BAP1: variants seen among roughly 807,000 people sequenced by gnomAD.
The protein encoded by BAP1 is BRCA1 associated deubiquitinase 1.
BAP1 carries 16 observed loss-of-function variants against 77.2 expected under a neutral mutation model. The observed-to-expected ratio is 0.21, with a 90% confidence interval of 0.14 to 0.31. BAP1 has a LOEUF of 0.31. BAP1 is among the 10% of genes least tolerant of loss of function. The pLI, the probability that BAP1 is intolerant of heterozygous loss-of-function variation, is 1.00. For synonymous variants in BAP1, 362 were observed against 385.2 expected, an observed-to-expected ratio of 0.94 and a Z score of 0.71; for missense variants, 699 against 967.3, an observed-to-expected ratio of 0.72 and a Z score of 3.68.
At chr3:52,407,021 G>C in intron 7 of BAP1, 114 bp from the exon 8 acceptor site, 1 of 1,487,504 alleles carries the variant, frequency 6.7e-7, no homozygotes, top group Non-Finnish European at 9.2e-7. Context: ...GGAGCTGGTC[G>C]GGCAATATGG....
Position 52,406,640 on chromosome 3 carries a change from C to T in BAP1, c.659+189G>A, listed in dbSNP as rs1287604956. The T allele has an allele frequency of 1.4e-5, 12 of 876,818 alleles. No individual in the cohort carries two copies. The highest frequency in any genetic ancestry group is 3.3e-5 in the African/African-American group (2 of 60,158). 54.3% of individuals were successfully genotyped at this position (876,818 alleles called of 1,614,324 possible). A position where few individuals can be genotyped will look rare whatever the true frequency, so the allele number is the denominator to read the frequency against. On this transcript the variant is annotated intron_variant, in intron 8 of 16. Coordinates refer to ENST00000460680, the MANE Select transcript of BAP1 (RefSeq NM_004656.4). The surrounding 1 kb of genome is among the most constrained non-coding windows in gnomAD (Gnocchi z 4.6). ...ACTGAGGCCTGCCCCTCCCCCAGCC[C>T]ACCCAGGAGCAGGCCACAGGCAGCC...
At chr3:52,409,216 G>A (rs770265365) in intron 3 of BAP1, among the ~76,000 whole-genome samples, 2 of 152,184 alleles carry the variant, frequency 1.3e-5, no homozygotes, top group Non-Finnish European at 2.9e-5. Context: ...TTAAAGCCAA[G>A]GACACATGGG....
chr3:52,408,100 C>G (rs1197912709), intron 4 of BAP1, 23 bp from the exon 5 acceptor site: 1 of 1,586,776 alleles, frequency 6.3e-7, no homozygotes, highest in African/African-American at 1.3e-5. Flanking sequence ...GAATAGTCAC[C>G]CATACACAGC....
chr3:52,408,410 C>T (rs2153228234), intron 4 of BAP1, 64 bp downstream of exon 4: 1 of 1,586,842 alleles, frequency 6.3e-7, no homozygotes, highest in South Asian at 1.2e-5. Flanking sequence ...TCCTCCATTT[C>T]CACTTCCCAA....
At position 52,402,445 on chromosome 3, in the gene BAP1, A is replaced by G; in HGVS notation, c.2057-24T>C. 3.2e-6 allele frequency: 5 copies of G among 1,572,242 alleles called. No individual in the cohort carries two copies. Among genetic ancestry groups the G allele is most frequent in the Non-Finnish European group, 4.3e-6 (5 of 1,159,456 alleles). On this transcript the variant is annotated intron_variant, in intron 16 of 16. Transcript: ENST00000460680. The surrounding 1 kb of genome is among the most constrained non-coding windows in gnomAD (Gnocchi z 5.3). ...GCCTGCGAAGAGGTAGAGACCCTTG[A>G]GCAGGTGCTGGCTGCCTCAGGCCAG... is the stretch of plus-strand genomic sequence containing the variant.
At chr3:52,407,097 T>C in intron 7 of BAP1, 77 bp downstream of exon 7, 1 of 1,606,600 alleles carries the variant, frequency 6.2e-7, no homozygotes, top group South Asian at 1.1e-5. Context: ...GGGTACCACA[T>C]ACCAGAGGGC....
intron 10 of BAP1, chr3:52,405,555 A>G (rs566411176): frequency 2.7e-6 from 2 of 730,766 alleles, no homozygotes; most frequent in Admixed American, 2.9e-5. Flanking sequence ...GGGAGTGTAC[A>G]TTACAGAGAA....
intron 10 of BAP1, chr3:52,405,512 A>C (rs913053165): frequency 4.6e-5 from 29 of 625,272 alleles, no homozygotes; most frequent in Non-Finnish European, 6.7e-5. Flanking sequence ...AAAAAAAAAA[A>C]AAAAAAAAAC....
Position 52,403,925 on chromosome 3 carries a change from G to C in BAP1, c.1251-31C>G. 8 of 1,610,274 alleles carry C rather than the reference G, an allele frequency of 5.0e-6. No homozygotes were observed. The highest frequency in any genetic ancestry group is 6.8e-6 in the Non-Finnish European group (8 of 1,177,658). ...GGGCCCGAGAAGATGTGAAGCAAGG[G>C]AACGGGCCAGGTGACCATACCCAGC... On this transcript the variant is annotated intron_variant, in intron 12 of 16. Transcript: ENST00000460680. This position sits in a 1 kb window ranked among gnomAD's most constrained non-coding sequence, Gnocchi z 4.0.
chr3:52,402,097 T>TGGG lies in BAP1; in HGVS notation c.*188_*190dup, dbSNP rs1704973408. The TGGG allele has an allele frequency of 1.0e-6, 1 of 984,660 alleles. No homozygotes were observed. The highest frequency in any genetic ancestry group is 2.6e-5 in the East Asian group (1 of 37,836). 61.0% of individuals were successfully genotyped at this position (984,660 alleles called of 1,614,324 possible). A position where few individuals can be genotyped will look rare whatever the true frequency, so the allele number is the denominator to read the frequency against. On this transcript the variant is annotated 3_prime_UTR_variant, in exon 17 of 17. Transcript: ENST00000460680. This position sits in a 1 kb window ranked among gnomAD's most constrained non-coding sequence, Gnocchi z 5.3. ...TCCAGATGCTGCCTCCTGAGCACTA[T>TGGG]GGGGCTGATCTGCCGTGTCAGGCCT...
rs375700254 is a variant in BAP1, at chr3:52,408,000, G to A, written c.333C>T (p.Thr111=). 9.9e-5 allele frequency: 159 copies of A among 1,613,806 alleles called. No individual in the cohort carries two copies. Among genetic ancestry groups the A allele is most frequent in the Non-Finnish European group, 1.3e-4 (151 of 1,180,002 alleles). ...TGGTGAAGTCCTTCATGCGACTCAGGGTGGGTCCCAGGTCCACGCTGCTGC... is the reference window on the plus strand; with the variant it reads ...TGGTGAAGTCCTTCATGCGACTCAGAGTGGGTCCCAGGTCCACGCTGCTGC... ...LNCSSVDLGP[T]LSRMKDFTKG... Residue 111 remains threonine (T), a synonymous_variant, in exon 5 of 17, where the codon ACC becomes ACT. Coordinates refer to ENST00000460680, the MANE Select transcript of BAP1 (RefSeq NM_004656.4).
intron 3 of BAP1, among the ~76,000 whole-genome samples, chr3:52,409,045 A>T (rs1481010702): frequency 6.6e-6 from 1 of 152,242 alleles, no homozygotes; most frequent in Non-Finnish European, 1.5e-5. Context: ...CTTTTGTTCC[A>T]GGAAATTAAA....
chr3:52,404,235 G>T (rs529530374), intron 12 of BAP1, among the ~76,000 whole-genome samples: 1 of 152,260 alleles, frequency 6.6e-6, no homozygotes, highest in Admixed American at 6.5e-5. Context: ...CTTCCAATAG[G>T]ACATGATATA....
At chr3:52,404,622 T>C (rs769904290) in intron 11 of BAP1, 36 bp from the exon 12 acceptor site, 3 of 1,602,662 alleles carry the variant, frequency 1.9e-6, no homozygotes, top group Non-Finnish European at 2.6e-6. Flanking sequence ...AAACAAGTGC[T>C]GCTCGGCCCA....
chr3:52,404,556 G>A lies in BAP1; in HGVS notation c.1147C>T (p.Arg383Cys), dbSNP rs201844078. The change falls in exon 12 of 17, where the codon CGC (arginine) becomes TGC (cysteine). Residue 383 changes from arginine (R) to cysteine (C), a missense_variant. Around this residue, in one of 3 missense-constraint regions of BAP1, gnomAD observed 475 missense variants for 532.4 expected, o/e 0.89. Transcript: ENST00000460680. ...EEEDLAAGVG[R>C]SRVPVRPPQQ... ...GGTGGGCGGACTGGAACTCGGCTGC[G>A]GCCCACACCTGCCGCCAGGTCTTCT... The A allele has an allele frequency of 8.5e-5, 137 of 1,613,424 alleles. No homozygotes were observed. Among genetic ancestry groups the A allele is most frequent in the Non-Finnish European group, 1.0e-4 (121 of 1,179,918 alleles).
intron 7 of BAP1, 111 bp from the exon 8 acceptor site, chr3:52,407,018 G>A: frequency 2.7e-6 from 4 of 1,488,952 alleles, no homozygotes; most frequent in Non-Finnish European, 2.8e-6. Context: ...TCAGGAGCTG[G>A]TCGGGCAATA....
In BAP1 at chr3:52,405,244, G is replaced by C. The variant is rs760860535; in HGVS notation, c.982C>G (p.Pro328Ala). The change falls in exon 11 of 17, where the codon CCT becomes GCT. Residue 328 changes from proline to alanine, a missense_variant. Physicochemically the swap from Pro to Ala is conservative, Grantham distance 27. Transcript: ENST00000460680. ...GSCAQAPSHS[P>A]PNKPKLVVKP... ...ACCACTAGCTTGGGTTTGTTGGGAG[G>C]GCTGTGGGATGGGGCTTGTGCGCAT... 3.1e-6 allele frequency: 5 copies of C among 1,613,908 alleles called. No homozygotes were observed. Among genetic ancestry groups the C allele is most frequent in the Non-Finnish European group, 4.2e-6 (5 of 1,180,026 alleles).
intron 3 of BAP1, among the ~76,000 whole-genome samples, chr3:52,409,291 G>C (rs543218037): frequency 6.6e-6 from 1 of 152,252 alleles, no homozygotes; most frequent in Non-Finnish European, 1.5e-5. Context: ...TCTTCCCGCT[G>C]CAAGGCCAGG....
intron 10 of BAP1, chr3:52,405,564 A>T: frequency 6.6e-6 from 5 of 762,740 alleles, no homozygotes; most frequent in Non-Finnish European, 8.3e-6. Context: ...CATTACAGAG[A>T]AGGGCCCAGG....
Sources: allele counts gnomAD v4.1 joint callset (sites outside exome capture counted in the v4.1 genomes callset), GRCh38; gene constraint gnomAD v4.1.1; regional missense constraint gnomAD v4.1.1; non-coding constraint Gnocchi (gnomAD v3.1); transcripts MANE v1.5; gene names NCBI Gene and HGNC (gene_info 2026-07-23, HGNC 2026-07-21).